Variants in PRLR observed in about 807,000 individuals in gnomAD.
PRLR encodes hPRL receptor.
PRLR carries 13 observed loss-of-function variants against 40.2 expected under a neutral mutation model. That is an observed-to-expected ratio of 0.32 (90% CI 0.21 to 0.51). The LOEUF (loss-of-function observed/expected upper bound fraction) is 0.51. Among genes scored for constraint, PRLR ranks in the 20% least tolerant of loss-of-function variants. The probability of loss-of-function intolerance (pLI) is 0.97; values close to 1 mark genes in which losing one functional copy is unlikely to be tolerated. For synonymous variants in PRLR, 269 were observed against 278.7 expected, an observed-to-expected ratio of 0.97 and a Z score of 0.35; for missense variants, 656 against 747.3, an observed-to-expected ratio of 0.88 and a Z score of 1.42.
intron 2 of PRLR, among the ~76,000 whole-genome samples, chr5:35,109,461 C>G (rs535138220): frequency 7.2e-5 from 11 of 152,288 alleles, no homozygotes; most frequent in Middle Eastern, 3.4e-3. Flanking sequence ...TTTTTACAAT[C>G]TACCCATCTG....
At chr5:35,050,864 T>C (rs1427993141), downstream of PRLR, among the ~76,000 whole-genome samples, 1 of 152,220 alleles carries the variant, frequency 6.6e-6, no homozygotes, top group Non-Finnish European at 1.5e-5. Flanking sequence ...ATTTATACAA[T>C]TTACATGAAA....
rs1419209197 is a variant in PRLR, at chr5:35,065,048, G to A, written c.*41C>T. 1 of 1,572,814 alleles carries A rather than the reference G, an allele frequency of 6.4e-7. No homozygotes were observed. The highest frequency in any genetic ancestry group is 2.2e-5 in the East Asian group (1 of 44,512). ...CACGTACTCTGTAGTGTTACCTGAA[G>A]AAAAATCACATTTTAACCAATCATT... On this transcript the variant is annotated 3_prime_UTR_variant, in exon 10 of 10. Coordinates refer to ENST00000618457, the MANE Select transcript of PRLR (RefSeq NM_000949.7).
At chr5:35,081,386 A>C in intron 5 of PRLR, 6 of 219,948 alleles carry the variant, frequency 2.7e-5, no homozygotes, top group East Asian at 1.4e-4. Context: ...GGGAAGCTCA[A>C]TGGCATGGCC....
At chr5:35,204,249 A>AC (rs1775954962) in intron 1 of PRLR, among the ~76,000 whole-genome samples, 2 of 151,714 alleles carry the variant, frequency 1.3e-5, no homozygotes, top group African/African-American at 4.8e-5. Flanking sequence ...GAAAAAAAAA[A>AC]CATAAAAACA....
chr5:35,095,586 C>T (rs1380127686), intron 2 of PRLR, among the ~76,000 whole-genome samples: 2 of 152,220 alleles, frequency 1.3e-5, no homozygotes, highest in African/African-American at 4.8e-5. Flanking sequence ...TAATTAGCTT[C>T]ACACAAACAT....
Position 35,055,877 on chromosome 5 carries a change from T to C in PRLR, c.*9212A>G, listed in dbSNP as rs1768683962. 6.6e-6 allele frequency: 1 copy of C among 152,236 alleles called. No homozygotes were observed. The highest frequency in any genetic ancestry group is 2.4e-5 in the African/African-American group (1 of 41,476). 9.4% of individuals were successfully genotyped at this position (152,236 alleles called of 1,614,324 possible). A position where few individuals can be genotyped will look rare whatever the true frequency, so the allele number is the denominator to read the frequency against. ...GCAAACGTCATTTAAGCTTACCCTG[T>C]AATTTTTAATAACTTTATAAGGAGC... is the stretch of plus-strand genomic sequence containing the variant. On this transcript the variant is annotated 3_prime_UTR_variant, in exon 10 of 10. Transcript: ENST00000618457.
At chr5:35,172,300 T>A (rs996543912) in intron 1 of PRLR, among the ~76,000 whole-genome samples, 9 of 152,192 alleles carry the variant, frequency 5.9e-5, no homozygotes, top group African/African-American at 2.2e-4. Flanking sequence ...CTGAACTATG[T>A]GGACTGCATC....
At position 35,152,599 on chromosome 5, in the gene PRLR, A is replaced by G. The variant is rs180936716; in HGVS notation, c.-105-34477T>C. On this transcript the variant is annotated intron_variant, in intron 1 of 9. Coordinates refer to ENST00000618457, the MANE Select transcript of PRLR (RefSeq NM_000949.7). ...ATGGACAACATGAACCCACACTAGT[A>G]CAAGTATTGTCTAAGTAAGCTCTAG... Among the ~76,000 whole-genome samples the G allele has an allele frequency of 2.9e-3, 445 of 152,342 alleles. 2 individuals are homozygous for G. Among genetic ancestry groups the G allele is most frequent in the Non-Finnish European group, 5.2e-3 (353 of 68,036 alleles).
intron 1 of PRLR, among the ~76,000 whole-genome samples, chr5:35,174,665 C>T (rs149112899): frequency 6.6e-6 from 1 of 152,326 alleles, no homozygotes; most frequent in African/African-American, 2.4e-5. Context: ...GCCCCACACC[C>T]AAGTCCCTCT....
chr5:35,124,225 G>A (rs1360277299), intron 1 of PRLR, among the ~76,000 whole-genome samples: 4 of 152,308 alleles, frequency 2.6e-5, no homozygotes, highest in East Asian at 1.9e-4. Flanking sequence ...CGGACATTCC[G>A]ATTGCCCATG....
intron 2 of PRLR, among the ~76,000 whole-genome samples, chr5:35,104,866 A>C (rs547376063): frequency 2.0e-4 from 30 of 152,174 alleles, no homozygotes; most frequent in Non-Finnish European, 3.8e-4. Context: ...GCTTTGAAGA[A>C]AGTAGTGGTT....
rs757173281 is a variant in PRLR, at chr5:35,065,320, A to G, written c.1638T>C (p.Tyr546=). The G allele has an allele frequency of 9.3e-6, 15 of 1,614,180 alleles. No homozygotes were observed. The South Asian group carries it at 1.5e-4, about 17-fold the overall frequency. The change falls in exon 10 of 10, where the codon TAT becomes TAC. Residue 546 remains tyrosine, a synonymous_variant. Coordinates refer to ENST00000618457, the MANE Select transcript of PRLR (RefSeq NM_000949.7). ...KPGTPENNKE[Y]AKVSGVMDNN... is the part of the protein sequence containing the mutation. ...TATCCATGACCCCGGACACCTTGGC[A>G]TACTCCTTATTGTTCTCAGGAGTCC...
At chr5:35,143,310 G>T (rs1774076392) in intron 1 of PRLR, among the ~76,000 whole-genome samples, 1 of 152,132 alleles carries the variant, frequency 6.6e-6, no homozygotes, top group Non-Finnish European at 1.5e-5. Context: ...TACAAAAATG[G>T]TTCTAAAACT....
At chr5:35,151,479 T>C (rs1054101355) in intron 1 of PRLR, among the ~76,000 whole-genome samples, 2 of 152,172 alleles carry the variant, frequency 1.3e-5, no homozygotes, top group South Asian at 2.1e-4. Context: ...ATACAACTTC[T>C]GTGTGAATTT....
rs151203148 is a variant in PRLR at position 35,068,798 on chromosome 5, C to T, written c.766G>A (p.Val256Met). Residue 256 changes from valine to methionine, a missense_variant, in exon 8 of 10, where the codon GTG (valine) becomes ATG (methionine). Transcript: ENST00000618457. ...AAGTACCTATAGCCCTTCAAAGCCA[C>T]TGCCCAGACAATAATCAAACAGATG... Reference protein sequence around the residue: ...AVICLIIVWAVALKGYSMVTC... With the variant: ...AVICLIIVWAMALKGYSMVTC... 60 of 1,609,788 alleles carry T rather than the reference C, an allele frequency of 3.7e-5. No homozygotes were observed. In the African/African-American group the frequency reaches 5.9e-4, roughly 16 times the overall value.
At position 35,061,593 on chromosome 5, in the gene PRLR, T is replaced by C. The variant is rs749829577; in HGVS notation, c.*3496A>G. 1 of 152,174 alleles carries C rather than the reference T, an allele frequency of 6.6e-6. No homozygotes were observed. Among genetic ancestry groups the C allele is most frequent in the African/African-American group, 2.4e-5 (1 of 41,436 alleles). The allele number at this position is 152,174 out of a possible 1,614,324, so 9.4% of individuals were successfully genotyped here. On this transcript the variant is annotated 3_prime_UTR_variant, in exon 10 of 10. Transcript: ENST00000618457. ...AATGTAGAGTCTGTTATATAGCTAATAAATGTAGGATCTGTTAAATATCTG... is the reference window on the plus strand; with the variant it reads ...AATGTAGAGTCTGTTATATAGCTAACAAATGTAGGATCTGTTAAATATCTG...
chr5:35,153,734 ACACACTG>A (rs1774405379), intron 1 of PRLR, among the ~76,000 whole-genome samples: 2 of 151,088 alleles, frequency 1.3e-5, no homozygotes, highest in Admixed American at 6.6e-5. Context: ...ACACACACAC[ACACACTG>A]CACACACTAC....
At chr5:35,109,516 C>T (rs970299952) in intron 2 of PRLR, among the ~76,000 whole-genome samples, 2 of 152,036 alleles carry the variant, frequency 1.3e-5, no homozygotes, top group South Asian at 2.1e-4. Flanking sequence ...TACAAATTTA[C>T]AAGAAAAAAA....
At position 35,089,631 on chromosome 5, in the gene PRLR, T is replaced by A. The variant is rs1771080300; in HGVS notation, c.-11A>T. 1.9e-6 allele frequency: 3 copies of A among 1,613,796 alleles called. No individual in the cohort carries two copies. Among genetic ancestry groups the A allele is most frequent in the African/African-American group, 2.7e-5 (2 of 74,920 alleles). On this transcript the variant is annotated 5_prime_UTR_variant, in exon 3 of 10. The change creates a new upstream start codon in the 5' untranslated region. Coordinates refer to ENST00000618457, the MANE Select transcript of PRLR (RefSeq NM_000949.7). ...CACATTTTCCTTCATGTTGGCTGCC[T>A]TCTCTTGCTGCAGGAAATGTATCAG...
Sources: gnomAD v4.1 joint callset for allele counts (sites outside exome capture counted in the v4.1 genomes callset) on GRCh38, gnomAD v4.1.1 for gene constraint, MANE v1.5 for transcripts, NCBI Gene and HGNC (gene_info 2026-07-23, HGNC 2026-07-21) for gene names.